Variants in WWOX observed in about 807,000 individuals in gnomAD.
WWOX encodes the protein WW domain containing oxidoreductase.
In WWOX, 69 loss-of-function variants were observed where a neutral mutation model predicts 46.2. The observed-to-expected ratio is 1.49, with a 90% CI of 1.23 to 1.82. WWOX has a LOEUF of 1.82. WWOX is among the 40% of genes most tolerant of loss of function. WWOX has a pLI of 0.00. For synonymous variants in WWOX, 359 were observed against 202.6 expected (o/e 1.77, Z -6.56); for missense variants, 919 against 542.6 (o/e 1.69, Z -6.89).
chr16:78,639,587 C>G (rs199939576), intron 8 of WWOX, among the ~76,000 whole-genome samples: 1 of 151,012 alleles, frequency 6.6e-6, no homozygotes, highest in South Asian at 2.1e-4. Context: ...TTTTTCCAGA[C>G]AGTTTCACTC....
At chr16:78,416,730 AC>A (rs1157088424) in intron 6 of WWOX, among the ~76,000 whole-genome samples, 1 of 152,252 alleles carries the variant, frequency 6.6e-6, no homozygotes, top group Non-Finnish European at 1.5e-5. Context: ...CACTGCAGAA[AC>A]TATCTTTGAG....
intron 5 of WWOX, among the ~76,000 whole-genome samples, chr16:78,288,638 A>C (rs979949179): frequency 6.6e-6 from 1 of 152,120 alleles, no homozygotes; most frequent in Non-Finnish European, 1.5e-5. Context: ...TACATTTGCA[A>C]GGTCTCTCTT....
At chr16:78,144,444 T>TAC (rs2034101217) in intron 4 of WWOX, among the ~76,000 whole-genome samples, 1 of 15,746 alleles carries the variant, frequency 6.4e-5, no homozygotes, top group South Asian at 2.1e-3. Flanking sequence ...TATATATATA[T>TAC]ATACACATAT....
chr16:79,198,336 A>T (rs899361577), intron 8 of WWOX, among the ~76,000 whole-genome samples: 6 of 152,196 alleles, frequency 3.9e-5, no homozygotes, highest in Non-Finnish European at 8.8e-5. Flanking sequence ...ACTGTCTCAA[A>T]AAAAGAGAAA....
intron 8 of WWOX, among the ~76,000 whole-genome samples, chr16:78,562,110 G>A (rs979955535): frequency 2.6e-5 from 4 of 152,148 alleles, no homozygotes; most frequent in Non-Finnish European, 5.9e-5. Flanking sequence ...CTCAGATAGA[G>A]TTATCCAAAC....
intron 8 of WWOX, among the ~76,000 whole-genome samples, chr16:78,680,801 G>C (rs578218372): frequency 2.1e-4 from 32 of 152,228 alleles, no homozygotes; most frequent in African/African-American, 7.5e-4. Flanking sequence ...CACAGTACCT[G>C]CTGTGATGGT....
At position 78,533,082 on chromosome 16, in the gene WWOX, G is replaced by C. The variant is rs1466520916; in HGVS notation, c.1056+100330G>C. Among the ~76,000 whole-genome samples the C allele has an allele frequency of 2.0e-5, 3 of 152,094 alleles. No homozygotes were observed. The East Asian group carries it at 5.8e-4, about 29-fold the overall frequency. ...GAGCCAGACAGATGGGAGTATCCTA[G>C]CCTCAGTTCCTTTCCATCCTCAGAA... On this transcript the variant is annotated intron_variant, in intron 8 of 8. Coordinates refer to ENST00000566780, the MANE Select transcript of WWOX (RefSeq NM_016373.4).
intron 8 of WWOX, among the ~76,000 whole-genome samples, chr16:78,952,248 C>T (rs894370357): frequency 2.0e-5 from 3 of 152,138 alleles, no homozygotes; most frequent in Admixed American, 1.3e-4. Flanking sequence ...TATATTTCAA[C>T]TCAGTGGTCA....
chr16:78,647,250 C>G (rs997592034), intron 8 of WWOX, among the ~76,000 whole-genome samples: 2 of 152,172 alleles, frequency 1.3e-5, no homozygotes, highest in African/African-American at 4.8e-5. Context: ...GAGGGCAGGG[C>G]TGTTTCCCCA....
chr16:78,815,170 C>G (rs1294597534), intron 8 of WWOX, among the ~76,000 whole-genome samples: 2 of 151,976 alleles, frequency 1.3e-5, no homozygotes, highest in East Asian at 1.9e-4. Context: ...ACTAAAAATA[C>G]AAAAATTAAC....
chr16:78,173,447 C>T (rs35255850), intron 5 of WWOX, among the ~76,000 whole-genome samples: 10,130 of 148,938 alleles, frequency 0.068, 386 homozygotes, highest in Non-Finnish European at 0.094. Context: ...TGCCACCACA[C>T]CTGGCTAATT....
At chr16:78,287,253 C>G (rs73572494) in intron 5 of WWOX, among the ~76,000 whole-genome samples, 2,272 of 152,218 alleles carry the variant, frequency 0.015, 68 homozygotes, top group African/African-American at 0.052. Flanking sequence ...TTTTTCTTTT[C>G]TTTGAAACGG....
At chr16:78,641,112 G>A (rs1279585984) in intron 8 of WWOX, among the ~76,000 whole-genome samples, 1 of 152,150 alleles carries the variant, frequency 6.6e-6, no homozygotes, top group East Asian at 1.9e-4. Flanking sequence ...GAAGCAGGCT[G>A]TGGTTGTGAA....
At chr16:78,285,543 C>T (rs553908548) in intron 5 of WWOX, among the ~76,000 whole-genome samples, 8 of 152,256 alleles carry the variant, frequency 5.3e-5, no homozygotes, top group East Asian at 1.9e-4. Flanking sequence ...AGCACCAGAA[C>T]GAGGTCTGAC....
intron 8 of WWOX, among the ~76,000 whole-genome samples, chr16:79,047,673 T>C (rs182716880): frequency 2.7e-3 from 230 of 85,260 alleles, no homozygotes; most frequent in African/African-American, 0.013. Flanking sequence ...ACTGTCCTGA[T>C]TTTTTTTTTT....
chr16:79,176,469 C>G (rs1015573674), intron 8 of WWOX, among the ~76,000 whole-genome samples: 1 of 152,216 alleles, frequency 6.6e-6, no homozygotes, highest in African/African-American at 2.4e-5. Context: ...TGTTAAGAAG[C>G]TGGCAGTCTG....
intron 5 of WWOX, among the ~76,000 whole-genome samples, chr16:78,327,467 A>G (rs1165953368): frequency 6.6e-6 from 1 of 152,124 alleles, no homozygotes; most frequent in Non-Finnish European, 1.5e-5. Context: ...ACTGGGCAGG[A>G]CACAGAAGGC....
chr16:78,809,312 GAAAAAAAA>G (rs371661365), intron 8 of WWOX, among the ~76,000 whole-genome samples: 2 of 73,900 alleles, frequency 2.7e-5, no homozygotes, highest in African/African-American at 8.3e-5. Flanking sequence ...TAGAGATCTT[GAAAAAAAA>G]AAAAAAAAAG....
intron 8 of WWOX, among the ~76,000 whole-genome samples, chr16:78,837,934 G>C (rs758167595): frequency 1.2e-4 from 18 of 152,172 alleles, no homozygotes; most frequent in Non-Finnish European, 2.5e-4. Context: ...ACCTGCTCAA[G>C]GGCACAGAAA....
Sources: allele counts gnomAD v4.1 joint callset (sites outside exome capture counted in the v4.1 genomes callset), GRCh38; gene constraint gnomAD v4.1.1; transcripts MANE v1.5; gene names NCBI Gene and HGNC (gene_info 2026-07-23, HGNC 2026-07-21).